CRLF2: variants seen among roughly 807,000 people sequenced by gnomAD.
The protein encoded by CRLF2 is cytokine receptor-like factor 2.
Under a neutral mutation model 38.7 loss-of-function variants are expected in CRLF2, and 41 were observed. The ratio of observed to expected loss-of-function variants is 1.06; its 90% CI spans 0.83 to 1.37. The LOEUF is 1.37. Ranked by LOEUF, CRLF2 falls within the 40% of genes most tolerant of loss-of-function variation. The pLI is 0.00. For missense variants in CRLF2, 377 were observed against 322.2 expected, an observed-to-expected ratio of 1.17 and a Z score of -1.30; for synonymous variants, 140 against 128.8, an observed-to-expected ratio of 1.09 and a Z score of -0.59.
At chrX:1,202,193 G>A (rs1316618995) in intron 4 of CRLF2, among the ~76,000 whole-genome samples, 2 of 152,040 alleles carry the variant, frequency 1.3e-5, no homozygotes, top group Non-Finnish European at 2.9e-5. Flanking sequence ...CATATTATTG[G>A]TTCTCTTTCT....
intron 4 of CRLF2, among the ~76,000 whole-genome samples, chrX:1,199,870 G>C: frequency 6.6e-6 from 1 of 150,454 alleles, no homozygotes; most frequent in Non-Finnish European, 1.5e-5. Flanking sequence ...GTATATATGT[G>C]TATATATAAG....
In CRLF2 at chrX:1,192,162, G is replaced by A. The variant is rs1397414281; in HGVS notation, c.853-1002C>T. 2.5e-3 allele frequency among the ~76,000 whole-genome samples: 306 copies of A among 122,312 alleles called. 1 individual carries two copies. Among genetic ancestry groups the A allele is most frequent in the Middle Eastern group, 0.012 (2 of 162 alleles). The allele number at this position is 122,312 out of a possible 152,430, so 80.2% of individuals were successfully genotyped here. A position where few individuals can be genotyped will look rare whatever the true frequency, so the allele number is the denominator to read the frequency against. ...GGAGCTTGCAGTGAGCCGAGATCCC[G>A]CCACTGCACTCCAGCCTGGGCGACA... On this transcript the variant is annotated intron_variant, in intron 7 of 7. Coordinates refer to ENST00000400841, the MANE Select transcript of CRLF2 (RefSeq NM_022148.4).
chrX:1,193,409 G>C (rs1240754109), intron 6 of CRLF2, 107 bp from the exon 7 acceptor site: 2 of 397,420 alleles, frequency 5.0e-6, no homozygotes, highest in Middle Eastern at 6.3e-4. Context: ...AAGAATGGCA[G>C]AGCGGGGCCT....
At chrX:1,192,826 T>A (rs2086417229) in intron 7 of CRLF2, among the ~76,000 whole-genome samples, 1 of 149,638 alleles carries the variant, frequency 6.7e-6, no homozygotes, top group South Asian at 2.1e-4. Context: ...CTTCTTTTTT[T>A]TTTTCTTGAC....
At chrX:1,211,168 AATGGATGGATGG>A (rs771886142) in intron 1 of CRLF2, among the ~76,000 whole-genome samples, 17 of 125,976 alleles carry the variant, frequency 1.3e-4, no homozygotes, top group East Asian at 7.3e-4. Flanking sequence ...TACATAGGTG[AATGGATGGATGG>A]ATGGATGGAT....
chrX:1,192,217 A>C (rs1174231500), intron 7 of CRLF2, among the ~76,000 whole-genome samples: 1 of 138,558 alleles, frequency 7.2e-6, no homozygotes, highest in Non-Finnish European at 1.6e-5. Flanking sequence ...AAAAAAAAAA[A>C]AAACAAAAAA....
chrX:1,194,449 G>A (rs1200533338), intron 6 of CRLF2, among the ~76,000 whole-genome samples: 1 of 152,092 alleles, frequency 6.6e-6, no homozygotes, highest in Non-Finnish European at 1.5e-5. Context: ...GTGACAGAGT[G>A]AGACTCAGTC....
intron 6 of CRLF2, among the ~76,000 whole-genome samples, chrX:1,194,721 G>T (rs1163279151): frequency 6.6e-6 from 1 of 151,994 alleles, no homozygotes; most frequent in Non-Finnish European, 1.5e-5. Context: ...GTTTCAACAG[G>T]GCTGAGGTCT....
Position 1,196,796 on chromosome X carries a change from A to G in CRLF2, c.751T>C (p.Leu251=), listed in dbSNP as rs369692987. 3.2e-5 allele frequency: 52 copies of G among 1,613,198 alleles called. No homozygotes were observed. The highest frequency in any genetic ancestry group is 1.8e-5 in the Non-Finnish European group (21 of 1,179,544). The change falls in exon 6 of 8, where the codon TTA becomes CTA. Residue 251 remains leucine (L), a synonymous_variant. Coordinates refer to ENST00000400841, the MANE Select transcript of CRLF2 (RefSeq NM_022148.4). ...LLMVSLLLLS[L]WKLWRVKKFL... ...CATCCTTACCTCCATAATTTCCATAAAGACAGAAGGAGGAGAGACACCATC... is the reference window on the plus strand; with the variant it reads ...CATCCTTACCTCCATAATTTCCATAGAGACAGAAGGAGGAGAGACACCATC...
intron 5 of CRLF2, among the ~76,000 whole-genome samples, chrX:1,197,582 G>A (rs1388492218): frequency 4.6e-5 from 7 of 152,126 alleles, no homozygotes; most frequent in Admixed American, 6.6e-5. Context: ...TTGGGAGGCC[G>A]AGGCGGGCGG....
rs1230620683 is a variant in CRLF2, at chrX:1,191,361, C to CTTTTTCTTTCTTTCTTT, written c.853-202_853-201insAAAGAAAGAAAGAAAAA. Among the ~76,000 whole-genome samples the CTTTTTCTTTCTTTCTTT allele has an allele frequency of 2.7e-5, 2 of 73,172 alleles. 1 individual carries two copies. Among genetic ancestry groups the CTTTTTCTTTCTTTCTTT allele is most frequent in the Non-Finnish European group, 5.4e-5 (2 of 37,024 alleles). The allele number at this position is 73,172 out of a possible 152,430, so 48.0% of individuals were successfully genotyped here. The stretch of plus-strand genomic sequence containing the variant: ...TCTTTCTTTCCTTCTTTCTTTCTTT[C>CTTTTTCTTTCTTTCTTT]CTTTCTTTCTCTTTCTTTCTTTCTC... On this transcript the variant is annotated intron_variant, in intron 7 of 7. Transcript: ENST00000400841.
intron 6 of CRLF2, among the ~76,000 whole-genome samples, chrX:1,193,956 G>A (rs1398676609): frequency 0.47 from 69,750 of 149,402 alleles, 16,668 homozygotes; most frequent in East Asian, 0.66. Flanking sequence ...GCGAGACTCC[G>A]TCTCAAAAAA....
intron 6 of CRLF2, among the ~76,000 whole-genome samples, chrX:1,196,386 C>G (rs1181434708): frequency 6.6e-6 from 1 of 151,740 alleles, no homozygotes; most frequent in Non-Finnish European, 1.5e-5. Flanking sequence ...CGGGGTTTCA[C>G]CATGTTGGCC....
chrX:1,193,317 G>T lies in CRLF2; in HGVS notation c.768-15C>A. The T allele has an allele frequency of 2.5e-6, 1 of 398,730 alleles. No individual in the cohort carries two copies. 24.7% of individuals were successfully genotyped at this position (398,730 alleles called of 1,614,324 possible). A position where few individuals can be genotyped will look rare whatever the true frequency, so the allele number is the denominator to read the frequency against. ...ACTTCTTCACTCTGAAATAGAGACG[G>T]AGAGCGTGGTCAGGTCGGCCACAGC... is the stretch of plus-strand genomic sequence containing the variant. On this transcript the variant is annotated splice_polypyrimidine_tract_variant and intron_variant, in intron 6 of 7. Transcript: ENST00000400841.
intron 5 of CRLF2, 49 bp downstream of exon 5, chrX:1,198,513 T>A: frequency 6.7e-7 from 1 of 1,493,068 alleles, no homozygotes; most frequent in Non-Finnish European, 9.1e-7. Flanking sequence ...CTATGCCTAC[T>A]CCAGCCTGGT....
At chrX:1,210,605 C>T (rs753887810) in intron 1 of CRLF2, among the ~76,000 whole-genome samples, 2 of 152,208 alleles carry the variant, frequency 1.3e-5, no homozygotes, top group South Asian at 2.1e-4. Flanking sequence ...CCACAGCGCC[C>T]GGCCAAGTCT....
rs1178994778 is a variant in CRLF2 at position 1,193,325 on chromosome X, G to A, written c.768-23C>T. Reference sequence around the variant, plus strand: ...ACTCTGAAATAGAGACGGAGAGCGTGGTCAGGTCGGCCACAGCCCCGCAGG... The same window carrying A: ...ACTCTGAAATAGAGACGGAGAGCGTAGTCAGGTCGGCCACAGCCCCGCAGG... On this transcript the variant is annotated intron_variant, in intron 6 of 7. Coordinates refer to ENST00000400841, the MANE Select transcript of CRLF2 (RefSeq NM_022148.4). 7.5e-6 allele frequency: 3 copies of A among 398,664 alleles called. No individual in the cohort carries two copies. In the East Asian group the frequency reaches 1.1e-4, roughly 14 times the overall value. 24.7% of individuals were successfully genotyped at this position (398,664 alleles called of 1,614,324 possible).
At position 1,198,656 on chromosome X, in the gene CRLF2, C is replaced by T; in HGVS notation, c.552G>A (p.Trp184Ter). The T allele has an allele frequency of 1.2e-6, 2 of 1,610,808 alleles. No individual in the cohort carries two copies. Among genetic ancestry groups the T allele is most frequent in the Non-Finnish European group, 1.7e-6 (2 of 1,178,364 alleles). ...GLDAEKCYSF[W>*]VRVKAMEDVY... Reference sequence around the variant, plus strand: ...CATCCTCCATAGCCTTCACCCTGACCCAGAAAGAGTAACACTTCTCGGCAT... The same window carrying T: ...CATCCTCCATAGCCTTCACCCTGACTCAGAAAGAGTAACACTTCTCGGCAT... Residue 184 changes from tryptophan to a stop codon, truncating the protein, a stop_gained, in exon 5 of 8, where the codon TGG becomes TGA. Coordinates refer to ENST00000400841, the MANE Select transcript of CRLF2 (RefSeq NM_022148.4). LOFTEE classifies it high-confidence loss of function.
chrX:1,198,274 T>C (rs2086531263), intron 5 of CRLF2, among the ~76,000 whole-genome samples: 1 of 98,646 alleles, frequency 1.0e-5, no homozygotes, highest in Admixed American at 1.1e-4. Context: ...CCCTCCCACC[T>C]CCCAGGAAGG....
Sources: allele counts gnomAD v4.1 joint callset (sites outside exome capture counted in the v4.1 genomes callset), GRCh38; gene constraint gnomAD v4.1.1; transcripts MANE v1.5; gene names NCBI Gene and HGNC (gene_info 2026-07-23, HGNC 2026-07-21).